The following HEY2 variants were observed in gnomAD, a reference collection of about 807,000 sequenced individuals.
HEY2 encodes hes related family bHLH transcription factor with YRPW motif 2.
A neutral mutation model predicts 18.1 loss-of-function variants in HEY2; 10 were observed. The observed-to-expected ratio is 0.55, with a 90% CI of 0.34 to 0.94. The LOEUF is 0.94. HEY2 is among the 40% of genes least tolerant of loss of function. HEY2 has a pLI of 0.02. For synonymous variants in HEY2, 210 were observed against 182.7 expected, an observed-to-expected ratio of 1.15 and a Z score of -1.21; for missense variants, 455 against 455.9, an observed-to-expected ratio of 1.00 and a Z score of 0.02.
rs532500814 is a variant in HEY2 at position 125,749,755 on chromosome 6, G to A, written c.-22G>A. 12 of 1,551,626 alleles carry A rather than the reference G, an allele frequency of 7.7e-6. No homozygotes were observed. The highest frequency in any genetic ancestry group is 1.4e-5 in the African/African-American group (1 of 73,064). On this transcript the variant is annotated 5_prime_UTR_variant, in exon 1 of 5. Coordinates refer to ENST00000368364, the MANE Select transcript of HEY2 (RefSeq NM_012259.3). ...GCGTCCGAGCTTCCGGCCGGGCTGT[G>A]CCCCGCGCGGTCTTCGCCGGGATGA...
intron 4 of HEY2, among the ~76,000 whole-genome samples, chr6:125,755,901 A>G (rs1773645106): frequency 6.6e-6 from 1 of 152,224 alleles, no homozygotes; most frequent in Non-Finnish European, 1.5e-5. Context: ...ATGAGCGCCA[A>G]GGGCCCCTGC....
At chr6:125,753,493 C>T (rs1414755802) in intron 3 of HEY2, among the ~76,000 whole-genome samples, 4 of 151,778 alleles carry the variant, frequency 2.6e-5, no homozygotes, top group South Asian at 2.1e-4. Context: ...GCACTCTCAC[C>T]GTACGTGGTG....
chr6:125,753,822 G>T (rs769675177), intron 3 of HEY2, among the ~76,000 whole-genome samples: 4 of 152,102 alleles, frequency 2.6e-5, no homozygotes, highest in Non-Finnish European at 5.9e-5. Context: ...TCTTGTTTGT[G>T]AGCTTAGAAA....
Position 125,759,730 on chromosome 6 carries a change from T to A in HEY2, c.942T>A (p.Ser314Arg). The part of the protein sequence containing the change: ...SPPLSVSATS[S>R]PQQTSSGTNN... ...CCTTGTCAGTATCAGCCACGTCCAG[T>A]CCTCAGCAGACCAGCAGTGGAACAA... The change falls in exon 5 of 5, where the codon AGT (serine) becomes AGA (arginine). Residue 314 changes from serine (S) to arginine (R), a missense_variant. By Grantham distance (110) the Ser-to-Arg change is moderately radical. Coordinates refer to ENST00000368364, the MANE Select transcript of HEY2 (RefSeq NM_012259.3). 1 of 1,613,626 alleles carries A rather than the reference T, an allele frequency of 6.2e-7. No individual in the cohort carries two copies.
Position 125,749,720 on chromosome 6 carries a change from G to A in HEY2, c.-57G>A. 1.4e-6 allele frequency: 2 copies of A among 1,395,700 alleles called. No individual in the cohort carries two copies. Among genetic ancestry groups the A allele is most frequent in the South Asian group, 1.2e-5 (1 of 80,088 alleles). 86.5% of individuals were successfully genotyped at this position (1,395,700 alleles called of 1,614,324 possible). On this transcript the variant is annotated 5_prime_UTR_variant, in exon 1 of 5. Coordinates refer to ENST00000368364, the MANE Select transcript of HEY2 (RefSeq NM_012259.3). ...GAGGAGGCGGGCGTCAGGGTGCTGC[G>A]CCCCGCTCGGCGTCCGAGCTTCCGG...
intron 2 of HEY2, 38 bp downstream of exon 2, chr6:125,751,917 A>C: frequency 6.3e-7 from 1 of 1,575,998 alleles, no homozygotes; most frequent in East Asian, 2.2e-5. Flanking sequence ...CATGTAACTT[A>C]TACTATTGTG....
chr6:125,753,365 A>G (rs1202348708), intron 3 of HEY2, among the ~76,000 whole-genome samples: 3 of 152,058 alleles, frequency 2.0e-5, no homozygotes, highest in African/African-American at 7.2e-5. Flanking sequence ...GTTGTTTGGC[A>G]GTTAGTTACC....
chr6:125,754,636 G>T (rs1773620672), intron 4 of HEY2, 90 bp downstream of exon 4: 6 of 634,616 alleles, frequency 9.5e-6, no homozygotes, highest in Admixed American at 2.8e-5. Context: ...GGAAGTCATA[G>T]CTGAACAGTT....
At position 125,759,234 on chromosome 6, in the gene HEY2, T is replaced by C; in HGVS notation, c.446T>C (p.Leu149Pro). 4 of 1,611,734 alleles carry C rather than the reference T, an allele frequency of 2.5e-6. No homozygotes were observed. The highest frequency in any genetic ancestry group is 3.4e-6 in the Non-Finnish European group (4 of 1,180,014). Reference protein sequence around the residue: ...SVEGLDSSDPLRVRLVSHLST... With the variant: ...SVEGLDSSDPPRVRLVSHLST... ...GAAGGCCTGGACTCCTCGGATCCGC[T>C]GCGGGTGCGGCTTGTGTCTCATCTC... Residue 149 changes from leucine (L) to proline (P), a missense_variant, in exon 5 of 5, where the codon CTG becomes CCG. Leu to Pro is a moderately conservative substitution (Grantham distance 98, BLOSUM62 -3). Transcript: ENST00000368364.
intron 4 of HEY2, among the ~76,000 whole-genome samples, chr6:125,755,770 A>G (rs1773642271): frequency 6.6e-6 from 1 of 152,228 alleles, no homozygotes. Flanking sequence ...ACATTCTTAC[A>G]TAATAGAAAA....
chr6:125,753,825 C>T (rs1773598174), intron 3 of HEY2, among the ~76,000 whole-genome samples: 1 of 152,094 alleles, frequency 6.6e-6, no homozygotes, highest in Non-Finnish European at 1.5e-5. Flanking sequence ...TGTTTGTGAG[C>T]TTAGAAATTC....
chr6:125,759,122 T>C lies in HEY2; in HGVS notation c.334T>C (p.Phe112Leu). Residue 112 changes from phenylalanine to leucine, a missense_variant, in exon 5 of 5, where the codon TTT becomes CTT. Physicochemically the swap from Phe to Leu is conservative, Grantham distance 22. Transcript: ENST00000368364. ...MLQATGGKGY[F>L]DAHALAMDFM... is the part of the protein sequence containing the mutation. ...TTGCTCAAACCCACTTTTAGGCTAC[T>C]TTGACGCACACGCTCTTGCCATGGA... 1 of 1,594,794 alleles carries C rather than the reference T, an allele frequency of 6.3e-7. No homozygotes were observed. Among genetic ancestry groups the C allele is most frequent in the Non-Finnish European group, 8.6e-7 (1 of 1,169,288 alleles).
intron 3 of HEY2, among the ~76,000 whole-genome samples, chr6:125,753,569 G>C (rs1357987601): frequency 6.7e-6 from 1 of 149,172 alleles, no homozygotes; most frequent in African/African-American, 2.5e-5. Flanking sequence ...CCTTAAAAAA[G>C]AAAAAAAAAG....
chr6:125,749,757 C>T lies in HEY2; in HGVS notation c.-20C>T. The T allele has an allele frequency of 6.4e-7, 1 of 1,554,090 alleles. No individual in the cohort carries two copies. The highest frequency in any genetic ancestry group is 8.7e-7 in the Non-Finnish European group (1 of 1,149,324). ...GTCCGAGCTTCCGGCCGGGCTGTGC[C>T]CCGCGCGGTCTTCGCCGGGATGAAG... On this transcript the variant is annotated 5_prime_UTR_variant, in exon 1 of 5. Transcript: ENST00000368364.
At chr6:125,754,084 T>G (rs1167632328) in intron 3 of HEY2, among the ~76,000 whole-genome samples, 1 of 152,238 alleles carries the variant, frequency 6.6e-6, no homozygotes, top group African/African-American at 2.4e-5. Flanking sequence ...ACTTTGGCTT[T>G]ATAGAAGACT....
intron 1 of HEY2, among the ~76,000 whole-genome samples, chr6:125,751,566 G>C (rs1480893268): frequency 6.6e-6 from 1 of 152,138 alleles, no homozygotes; most frequent in Non-Finnish European, 1.5e-5. Flanking sequence ...AAAAATTGTG[G>C]GACATTTTGG....
chr6:125,751,797 A>T lies in HEY2; in HGVS notation c.84-4A>T. 1.2e-6 allele frequency: 2 copies of T among 1,602,808 alleles called. No individual in the cohort carries two copies. The highest frequency in any genetic ancestry group is 1.7e-6 in the Non-Finnish European group (2 of 1,171,762). On this transcript the variant is annotated splice_polypyrimidine_tract_variant and splice_region_variant and intron_variant, in intron 1 of 4. Transcript: ENST00000368364. ...GCACCTGACATACTCTTCTTATTTC[A>T]TAGGCAAAGTACTAGCTCTGTGATT...
At position 125,759,677 on chromosome 6, in the gene HEY2, G is replaced by A. The variant is rs145752173; in HGVS notation, c.889G>A (p.Val297Met). 1.9e-3 allele frequency: 3,057 copies of A among 1,612,482 alleles called. 6 individuals are homozygous for A. The highest frequency in any genetic ancestry group is 2.2e-3 in the Non-Finnish European group (2,584 of 1,180,016). The change falls in exon 5 of 5, where the codon GTG becomes ATG. Residue 297 changes from valine to methionine, a missense_variant. Transcript: ENST00000368364. ...PMLPPNAAAA[V>M]AAATAISPPL... Reference sequence around the variant, plus strand: ...GCTTCCCCCAAACGCAGCAGCAGCAGTGGCCGCGGCCACAGCCATCAGCCC... The same window carrying A: ...GCTTCCCCCAAACGCAGCAGCAGCAATGGCCGCGGCCACAGCCATCAGCCC...
chr6:125,752,083 A>T lies in HEY2; in HGVS notation c.239A>T (p.Glu80Val). Residue 80 changes from glutamate to valine, a missense_variant, in exon 3 of 5, where the codon GAA becomes GTA. By Grantham distance (121) the Glu-to-Val change is moderately radical (BLOSUM62 -2). Transcript: ENST00000368364. Reference sequence around the variant, plus strand: ...AGAAGACTTGTGCCAACTGCTTTTGAAAAACAAGTAAGCTATCCCCTCCCC... The same window carrying T: ...AGAAGACTTGTGCCAACTGCTTTTGTAAAACAAGTAAGCTATCCCCTCCCC... ...ELRRLVPTAF[E>V]KQGSAKLEKA... 6.2e-7 allele frequency: 1 copy of T among 1,610,798 alleles called. No individual in the cohort carries two copies. The highest frequency in any genetic ancestry group is 8.5e-7 in the Non-Finnish European group (1 of 1,177,240).
Sources: gnomAD v4.1 joint callset for allele counts (sites outside exome capture counted in the v4.1 genomes callset) on GRCh38, gnomAD v4.1.1 for gene constraint, MANE v1.5 for transcripts, NCBI Gene and HGNC (gene_info 2026-07-23, HGNC 2026-07-21) for gene names.